Variants in PCNX1 observed in about 807,000 individuals in gnomAD.
PCNX1 encodes the protein pecanex 1.
Under a neutral mutation model 242.2 loss-of-function variants are expected in PCNX1, and 78 were observed. The observed-to-expected ratio is 0.32, with a 90% CI of 0.27 to 0.39. The LOEUF (loss-of-function observed/expected upper bound fraction) is 0.39. Ranked by LOEUF, PCNX1 falls within the 10% of genes least tolerant of loss-of-function variation. PCNX1 has a pLI of 1.00. For missense variants in PCNX1, 2,581 were observed against 2,856.5 expected (o/e 0.90, Z 2.20); for synonymous variants, 1,024 against 1,032.9 (o/e 0.99, Z 0.17).
rs550421511 is a variant in PCNX1, at chr14:71,015,113, A to AAAACCAAAGTG, written c.2996+1915_2996+1925dup. Among the ~76,000 whole-genome samples, 95 of 152,310 alleles carry AAAACCAAAGTG rather than the reference A, an allele frequency of 6.2e-4. 1 individual carries two copies. The South Asian group carries it at 0.011, about 18-fold the overall frequency. On this transcript the variant is annotated intron_variant, in intron 11 of 35. Transcript: ENST00000304743. ...CTATACATAGCAAAAATACCTTTTA[A>AAAACCAAAGTG]AAACCAAAGTGAAATAAAGACATCT...
chr14:70,923,123 A>G (rs2056443445), intron 1 of PCNX1, among the ~76,000 whole-genome samples: 1 of 151,706 alleles, frequency 6.6e-6, no homozygotes, highest in South Asian at 2.1e-4. Context: ...TTTTCTTTTA[A>G]CTGCCTTTTG....
Position 71,110,017 on chromosome 14 carries a change from C to T in PCNX1, c.*82C>T, listed in dbSNP as rs1312396652. ...AAAGAGAGGAACAAGCAGAAGATGC[C>T]TGCAGGTATCACTTTGATCCTATGT... On this transcript the variant is annotated 3_prime_UTR_variant, in exon 36 of 36. Coordinates refer to ENST00000304743, the MANE Select transcript of PCNX1 (RefSeq NM_014982.3). The T allele has an allele frequency of 1.6e-6, 2 of 1,214,886 alleles. No individual in the cohort carries two copies. Among genetic ancestry groups the T allele is most frequent in the Non-Finnish European group, 2.4e-6 (2 of 821,140 alleles). 75.3% of individuals were successfully genotyped at this position (1,214,886 alleles called of 1,614,324 possible).
intron 28 of PCNX1, among the ~76,000 whole-genome samples, chr14:71,080,898 A>G (rs1346864515): frequency 2.0e-5 from 3 of 152,166 alleles, no homozygotes; most frequent in East Asian, 3.9e-4. Context: ...AGAACTTCCA[A>G]TACTGTGTTG....
At chr14:70,924,138 G>A (rs539952209) in intron 1 of PCNX1, among the ~76,000 whole-genome samples, 28 of 151,570 alleles carry the variant, frequency 1.8e-4, no homozygotes, top group Non-Finnish European at 3.4e-4. Context: ...AGGCTGAGGT[G>A]GGAGGATTGA....
chr14:70,940,435 A>T (rs918126955), intron 1 of PCNX1, among the ~76,000 whole-genome samples: 13 of 152,156 alleles, frequency 8.5e-5, no homozygotes, highest in African/African-American at 3.1e-4. Context: ...TCTTTTCTTT[A>T]AGAATGTTGA....
chr14:70,948,936 T>C (rs1433388933), intron 2 of PCNX1, among the ~76,000 whole-genome samples: 5 of 148,230 alleles, frequency 3.4e-5, no homozygotes, highest in Non-Finnish European at 6.0e-5. Context: ...TATGTACATA[T>C]ATGTACATAT....
chr14:70,951,013 T>TA (rs2057755505), intron 2 of PCNX1, among the ~76,000 whole-genome samples: 1 of 152,106 alleles, frequency 6.6e-6, no homozygotes, highest in Admixed American at 6.5e-5. Flanking sequence ...ATTATATAAA[T>TA]ATACAATAAA....
chr14:71,046,880 T>G, intron 20 of PCNX1, 84 bp from the exon 21 acceptor site: 1 of 1,052,586 alleles, frequency 9.5e-7, no homozygotes, highest in Non-Finnish European at 1.3e-6. Flanking sequence ...TGGTACTAAA[T>G]TTGTTGTAAA....
chr14:70,972,557 G>GGC (rs1566639939), intron 5 of PCNX1, among the ~76,000 whole-genome samples: 1 of 152,090 alleles, frequency 6.6e-6, no homozygotes, highest in African/African-American at 2.4e-5. Flanking sequence ...GCTATGGTTT[G>GGC]GCGCCACCTA....
At chr14:71,022,182 C>T (rs2060122155) in intron 12 of PCNX1, among the ~76,000 whole-genome samples, 1 of 152,114 alleles carries the variant, frequency 6.6e-6, no homozygotes, top group Non-Finnish European at 1.5e-5. Flanking sequence ...CCTTTGATGA[C>T]ATTTAATGAT....
intron 11 of PCNX1, among the ~76,000 whole-genome samples, chr14:71,013,571 A>G (rs2059880876): frequency 8.2e-6 from 1 of 121,426 alleles, no homozygotes; most frequent in Non-Finnish European, 2.0e-5. Flanking sequence ...GGTTCTTAAC[A>G]CTACTCTCTT....
chr14:71,013,146 C>G lies in PCNX1; in HGVS notation c.2940C>G (p.Pro980=). The change falls in exon 11 of 36, where the codon CCC becomes CCG. Residue 980 remains proline, a synonymous_variant. Coordinates refer to ENST00000304743, the MANE Select transcript of PCNX1 (RefSeq NM_014982.3). ...VKHYYRFWIL[P]QLWIGINFDR... The stretch of plus-strand genomic sequence containing the variant: ...ACTATTATCGCTTTTGGATCCTACC[C>G]CAGCTGTGGATTGGCATTAACTTTG... The G allele has an allele frequency of 1.9e-6, 3 of 1,614,126 alleles. No homozygotes were observed. Among genetic ancestry groups the G allele is most frequent in the South Asian group, 1.1e-5 (1 of 91,084 alleles).
chr14:71,065,922 G>A (rs1326572984), intron 26 of PCNX1, among the ~76,000 whole-genome samples: 2 of 152,148 alleles, frequency 1.3e-5, no homozygotes, highest in Non-Finnish European at 2.9e-5. Context: ...TCAGATGGTC[G>A]CAGATGCGTG....
chr14:71,004,612 GA>G (rs2059601691), intron 8 of PCNX1, among the ~76,000 whole-genome samples: 1 of 152,174 alleles, frequency 6.6e-6, no homozygotes, highest in Non-Finnish European at 1.5e-5. Flanking sequence ...CCTTATGCCA[GA>G]AAGGTTGGGG....
chr14:70,927,573 T>C (rs1235751813), intron 1 of PCNX1, among the ~76,000 whole-genome samples: 1 of 146,824 alleles, frequency 6.8e-6, no homozygotes, highest in Non-Finnish European at 1.5e-5. Context: ...TTCTCTCTCT[T>C]TTATTTATTT....
At chr14:71,096,723 A>T (rs1595496598) in intron 30 of PCNX1, among the ~76,000 whole-genome samples, 1 of 152,188 alleles carries the variant, frequency 6.6e-6, no homozygotes, top group East Asian at 1.9e-4. Context: ...TCAGTATATT[A>T]TGAATGCTAT....
At chr14:71,006,138 T>TATAGA in intron 8 of PCNX1, among the ~76,000 whole-genome samples, 1 of 108,988 alleles carries the variant, frequency 9.2e-6, no homozygotes, top group South Asian at 3.1e-4. Context: ...TGTGTGTGTG[T>TATAGA]GTGTGTGTGT....
chr14:70,979,753 G>A (rs145587018), intron 6 of PCNX1, among the ~76,000 whole-genome samples: 9 of 152,162 alleles, frequency 5.9e-5, no homozygotes, highest in African/African-American at 1.9e-4. Flanking sequence ...CCATATTGTG[G>A]TAAACATTTT....
At chr14:71,075,622 C>T (rs188652053) in intron 27 of PCNX1, among the ~76,000 whole-genome samples, 17 of 152,204 alleles carry the variant, frequency 1.1e-4, no homozygotes, top group Admixed American at 9.8e-4. Flanking sequence ...TAGGGCCAGG[C>T]GCAGTGGCTG....
Sources: allele counts gnomAD v4.1 joint callset (sites outside exome capture counted in the v4.1 genomes callset), GRCh38; gene constraint gnomAD v4.1.1; transcripts MANE v1.5; gene names NCBI Gene and HGNC (gene_info 2026-07-23, HGNC 2026-07-21).